HDAC9: variants seen among roughly 807,000 people sequenced by gnomAD.
HDAC9 encodes MEF-2 interacting transcription repressor (MITR) protein.
Under a neutral mutation model 139.4 loss-of-function variants are expected in HDAC9, and 41 were observed. That is an observed-to-expected ratio of 0.29 (90% CI 0.23 to 0.38). The LOEUF (loss-of-function observed/expected upper bound fraction) is 0.38. Among genes scored for constraint, HDAC9 ranks in the 10% least tolerant of loss-of-function variants. The probability of loss-of-function intolerance (pLI) is 1.00; values close to 1 mark genes in which losing one functional copy is unlikely to be tolerated. For missense variants in HDAC9, 1,147 were observed against 1,297.0 expected, an observed-to-expected ratio of 0.88 and a Z score of 1.78; for synonymous variants, 517 against 476.2, an observed-to-expected ratio of 1.09 and a Z score of -1.12.
intron 1 of HDAC9, among the ~76,000 whole-genome samples, chr7:18,437,917 C>CACACACACTGCCACATTATATAACGTT (rs1791362449): frequency 2.0e-4 from 30 of 151,670 alleles, no homozygotes; most frequent in Admixed American, 6.6e-4. Flanking sequence ...ATGCACCACA[C>CACACACACTGCCACATTATATAACGTT]ACACACACTG....
At chr7:18,315,882 C>CT (rs1233507093) in intron 1 of HDAC9, among the ~76,000 whole-genome samples, 1 of 152,218 alleles carries the variant, frequency 6.6e-6, no homozygotes, top group African/African-American at 2.4e-5. Context: ...CCTTTAGAGA[C>CT]TGAGTGTCTG....
chr7:18,189,796 C>T (rs1790201957), intron 2 of HDAC9, among the ~76,000 whole-genome samples: 1 of 152,188 alleles, frequency 6.6e-6, no homozygotes, highest in Non-Finnish European at 1.5e-5. Context: ...AACCCAAAGA[C>T]ACATTAATTA....
intron 1 of HDAC9, among the ~76,000 whole-genome samples, chr7:18,147,153 A>T (rs1453408911): frequency 1.3e-5 from 2 of 152,140 alleles, no homozygotes; most frequent in Non-Finnish European, 2.9e-5. Context: ...GAAAGGTGAC[A>T]GTATATTTAT....
intron 24 of HDAC9, among the ~76,000 whole-genome samples, chr7:18,960,950 G>T (rs747422490): frequency 6.6e-6 from 1 of 152,256 alleles, no homozygotes; most frequent in Admixed American, 6.5e-5. Flanking sequence ...AACTAAAAGC[G>T]TTGTTTCTCC....
chr7:18,974,240 A>C (rs182609825), intron 24 of HDAC9, among the ~76,000 whole-genome samples: 3 of 152,254 alleles, frequency 2.0e-5, no homozygotes, highest in African/African-American at 7.2e-5. Context: ...ATGATCAACT[A>C]TTAGGTTTTT....
intron 23 of HDAC9, among the ~76,000 whole-genome samples, chr7:18,950,762 G>A (rs964472801): frequency 2.6e-5 from 4 of 151,702 alleles, no homozygotes; most frequent in South Asian, 2.1e-4. Flanking sequence ...TTGAATGCTT[G>A]GTAAGGTTTT....
In HDAC9 at chr7:18,779,873, A is replaced by G. The variant is rs377004012; in HGVS notation, c.2214+12718A>G. 2.6e-5 allele frequency among the ~76,000 whole-genome samples: 4 copies of G among 152,106 alleles called. No homozygotes were observed. The East Asian group carries it at 5.8e-4, about 22-fold the overall frequency. On this transcript the variant is annotated intron_variant, in intron 16 of 25. Coordinates refer to ENST00000686413, the MANE Select transcript of HDAC9 (RefSeq NM_178425.4). ...GACCTACCTATCCAACTAATAGTCTACCATTAGAATCAAGGCACTGCAGGG... is the reference window on the plus strand; with the variant it reads ...GACCTACCTATCCAACTAATAGTCTGCCATTAGAATCAAGGCACTGCAGGG...
chr7:18,252,381 A>G (rs1025463536), intron 2 of HDAC9, among the ~76,000 whole-genome samples: 2 of 152,216 alleles, frequency 1.3e-5, no homozygotes, highest in African/African-American at 2.4e-5. Flanking sequence ...TGAACATCAC[A>G]CATGTAAATC....
chr7:18,457,213 C>A (rs1793422977), intron 1 of HDAC9, among the ~76,000 whole-genome samples: 1 of 152,236 alleles, frequency 6.6e-6, no homozygotes, highest in African/African-American at 2.4e-5. Flanking sequence ...ATTTCATATC[C>A]CAGAAAATGT....
chr7:18,904,706 G>A (rs1219143481), intron 22 of HDAC9, among the ~76,000 whole-genome samples: 2 of 150,588 alleles, frequency 1.3e-5, no homozygotes, highest in Non-Finnish European at 3.0e-5. Context: ...CTTCCGAGTA[G>A]CTGGGACTAC....
At chr7:18,153,621 T>C (rs961564006) in intron 1 of HDAC9, among the ~76,000 whole-genome samples, 1 of 152,150 alleles carries the variant, frequency 6.6e-6, no homozygotes, top group Non-Finnish European at 1.5e-5. Flanking sequence ...TTTGGTCCTT[T>C]CGTTACTTGA....
rs533989795 is a variant in HDAC9, at chr7:18,701,397, T to TA, written c.1732-26174dup. Among the ~76,000 whole-genome samples, 66 of 103,154 alleles carry TA rather than the reference T, an allele frequency of 6.4e-4. 1 individual carries two copies. In the South Asian group the frequency reaches 9.0e-3, roughly 14 times the overall value. 67.7% of individuals were successfully genotyped at this position (103,154 alleles called of 152,430 possible). On this transcript the variant is annotated intron_variant, in intron 12 of 25. Coordinates refer to ENST00000686413, the MANE Select transcript of HDAC9 (RefSeq NM_178425.4). ...ATTGATTCTGTTGTGGCGTCTGATT[T>TA]AAAAAAAAACAAAACAAACAAAAAA...
At chr7:18,124,916 A>G (rs532596643) in intron 1 of HDAC9, among the ~76,000 whole-genome samples, 280 of 145,944 alleles carry the variant, frequency 1.9e-3, no homozygotes, top group Admixed American at 4.2e-3. Flanking sequence ...TTTTTTTAAC[A>G]TTGTTAGCAA....
intron 24 of HDAC9, among the ~76,000 whole-genome samples, chr7:18,970,969 A>T (rs2129334685): frequency 6.6e-6 from 1 of 152,328 alleles, no homozygotes; most frequent in East Asian, 1.9e-4. Context: ...GATTTTCATG[A>T]GTCAACAACT....
chr7:18,438,761 T>C (rs1384031370), intron 1 of HDAC9, among the ~76,000 whole-genome samples: 1 of 151,978 alleles, frequency 6.6e-6, no homozygotes, highest in Admixed American at 6.6e-5. Flanking sequence ...TACAGAAAAG[T>C]GTTAATAATT....
intron 2 of HDAC9, among the ~76,000 whole-genome samples, chr7:18,498,292 G>A (rs1271226144): frequency 6.6e-6 from 1 of 151,992 alleles, no homozygotes; most frequent in African/African-American, 2.4e-5. Flanking sequence ...GGCTCTCAAA[G>A]TTGGACTCAC....
chr7:18,097,301 G>A (rs1001237853), intron 1 of HDAC9, among the ~76,000 whole-genome samples: 4 of 152,016 alleles, frequency 2.6e-5, no homozygotes, highest in East Asian at 3.9e-4. Flanking sequence ...TTAAAAATAG[G>A]GCAATATAGT....
At position 18,131,434 on chromosome 7, in the gene HDAC9, T is replaced by C. The variant is rs373149606; in HGVS notation, c.-96-30795T>C. ...TTTAGTAGCACTAATCAGAATTCCT[T>C]GGTTTCTTGGGAAATTAGGGGGTTG... On this transcript the variant is annotated intron_variant, in intron 1 of 12. Coordinates refer to the HDAC9 transcript ENST00000417496. Among the ~76,000 whole-genome samples, 7 of 152,298 alleles carry C rather than the reference T, an allele frequency of 4.6e-5. No individual in the cohort carries two copies. In the East Asian group the frequency reaches 1.2e-3, roughly 25 times the overall value.
chr7:18,953,161 C>T (rs536931060), intron 23 of HDAC9, among the ~76,000 whole-genome samples: 18 of 152,154 alleles, frequency 1.2e-4, no homozygotes, highest in African/African-American at 2.6e-4. Context: ...CTAGTGACAT[C>T]GCTTCCCATT....
Sources: allele counts gnomAD v4.1 joint callset (sites outside exome capture counted in the v4.1 genomes callset), GRCh38; gene constraint gnomAD v4.1.1; transcripts MANE v1.5; gene names NCBI Gene and HGNC (gene_info 2026-07-23, HGNC 2026-07-21).